The following A3GALT2 variants were observed in gnomAD, a reference collection of about 807,000 sequenced individuals.
A3GALT2 encodes alpha-1,3-galactosyltransferase 2.
A neutral mutation model predicts 16.6 loss-of-function variants in A3GALT2; 14 were observed. The observed-to-expected ratio is 0.84, with a 90% CI of 0.56 to 1.32. A3GALT2 has a LOEUF of 1.32. Among genes scored for constraint, A3GALT2 ranks in the 40% most tolerant of loss-of-function variants. The pLI is 0.00. For synonymous variants in A3GALT2, 253 were observed against 218.0 expected, an observed-to-expected ratio of 1.16 and a Z score of -1.42; for missense variants, 600 against 490.9, an observed-to-expected ratio of 1.22 and a Z score of -2.10.
Position 33,307,458 on chromosome 1 carries a change from G to C in A3GALT2, c.336-5C>G. ...TCCAGGTACTTCTCCAGGTATCTAA[G>C]GGCGCGGCGCCACCGTCAGCCTGAG... On this transcript the variant is annotated splice_region_variant and splice_polypyrimidine_tract_variant and intron_variant, in intron 4 of 4. Coordinates refer to ENST00000442999, the MANE Select transcript of A3GALT2 (RefSeq NM_001080438.1). The C allele has an allele frequency of 4.7e-6, 7 of 1,491,696 alleles. No individual in the cohort carries two copies. The highest frequency in any genetic ancestry group is 6.2e-6 in the Non-Finnish European group (7 of 1,131,550). The allele number at this position is 1,491,696 out of a possible 1,614,324, so 92.4% of individuals were successfully genotyped here.
intron 1 of A3GALT2, among the ~76,000 whole-genome samples, chr1:33,319,179 CAG>C (rs1460181322): frequency 6.6e-6 from 1 of 152,276 alleles, no homozygotes; most frequent in Non-Finnish European, 1.5e-5. Flanking sequence ...TGCAGTTGCT[CAG>C]GGGAGAAAGC....
At chr1:33,313,157 T>C (rs1473280867) in intron 1 of A3GALT2, among the ~76,000 whole-genome samples, 4 of 138,128 alleles carry the variant, frequency 2.9e-5, no homozygotes, top group African/African-American at 1.1e-4. Context: ...GCACAAGTGT[T>C]TGTGGCTCAG....
intron 1 of A3GALT2, among the ~76,000 whole-genome samples, chr1:33,313,165 C>A (rs1646243608): frequency 1.5e-5 from 1 of 65,480 alleles, no homozygotes; most frequent in African/African-American, 6.6e-5. Context: ...GTTTGTGGCT[C>A]AGTGACGGAG....
intron 4 of A3GALT2, 117 bp from the exon 5 acceptor site, chr1:33,307,570 C>A: frequency 2.8e-6 from 2 of 710,906 alleles, no homozygotes; most frequent in African/African-American, 2.4e-5. Context: ...CCACCCTCAC[C>A]CCCACTCCCA....
chr1:33,310,088 A>C (rs1646226140), intron 4 of A3GALT2, among the ~76,000 whole-genome samples: 1 of 152,258 alleles, frequency 6.6e-6, no homozygotes, highest in Admixed American at 6.5e-5. Flanking sequence ...GATCACTCGC[A>C]GTCAGGAGCT....
rs80043331 is a variant in A3GALT2 at position 33,312,026 on chromosome 1, G to A, written c.335+26C>T. 363 of 1,612,800 alleles carry A rather than the reference G, an allele frequency of 2.3e-4. 4 individuals are homozygous for A. The African/African-American group carries it at 4.3e-3, about 19-fold the overall frequency. On this transcript the variant is annotated intron_variant, in intron 4 of 4. Transcript: ENST00000442999. ...ACCCCTCCCACTCACAGCTTTGACA[G>A]CACTGCTCCCCTTCCCAGGCCTTAC...
intron 1 of A3GALT2, chr1:33,314,491 G>T (rs981818012): frequency 3.3e-5 from 5 of 152,544 alleles, no homozygotes; most frequent in South Asian, 2.1e-4. Flanking sequence ...AGTAAAGAGT[G>T]CTGCGAACTG....
chr1:33,316,541 G>C (rs564046266), intron 1 of A3GALT2, among the ~76,000 whole-genome samples: 11 of 150,454 alleles, frequency 7.3e-5, no homozygotes, highest in African/African-American at 2.2e-4. Flanking sequence ...GTGGCAGGGA[G>C]GGCACTGCTG....
At chr1:33,311,342 A>G (rs754524709) in intron 4 of A3GALT2, among the ~76,000 whole-genome samples, 2 of 151,980 alleles carry the variant, frequency 1.3e-5, no homozygotes, top group Non-Finnish European at 2.9e-5. Context: ...CTTCACAGTT[A>G]CCTGTTCCCA....
chr1:33,311,351 C>T (rs1252548724), intron 4 of A3GALT2, among the ~76,000 whole-genome samples: 1 of 152,140 alleles, frequency 6.6e-6, no homozygotes, highest in Non-Finnish European at 1.5e-5. Context: ...TACCTGTTCC[C>T]ATGGCTACTC....
chr1:33,315,493 T>C (rs1490782398), intron 1 of A3GALT2, among the ~76,000 whole-genome samples: 1 of 152,042 alleles, frequency 6.6e-6, no homozygotes, highest in Non-Finnish European at 1.5e-5. Flanking sequence ...TACAGTAAGC[T>C]ATGATCATGC....
rs113218677 is a variant in A3GALT2 at position 33,307,191 on chromosome 1, C to T, written c.598G>A (p.Val200Met). Reference sequence around the variant, plus strand: ...AAAGTGCCGCTGAAGTGCTGGTCCACGTCCATGCAGAACATGAAGTGCGCC... The same window carrying T: ...AAAGTGCCGCTGAAGTGCTGGTCCATGTCCATGCAGAACATGAAGTGCGCC... ...REAHFMFCMD[V>M]DQHFSGTFGP... The change falls in exon 5 of 5, where the codon GTG (valine) becomes ATG (methionine). Residue 200 changes from valine (V) to methionine (M), a missense_variant. Physicochemically the swap from Val to Met is conservative, Grantham distance 21 (BLOSUM62 1). Transcript: ENST00000442999. 11,780 of 1,544,324 alleles carry T rather than the reference C, an allele frequency of 7.6e-3. 67 individuals carry two copies. Among genetic ancestry groups the T allele is most frequent in the Non-Finnish European group, 9.1e-3 (10,433 of 1,148,858 alleles).
At position 33,310,268 on chromosome 1, in the gene A3GALT2, G is replaced by A. The variant is rs376145594; in HGVS notation, c.335+1784C>T. ...GATGGCGGCAGTACAGTCCAGCCTC[G>A]GCTCGGCATCAGAGGGAGACCGTGG... On this transcript the variant is annotated intron_variant, in intron 4 of 4. Transcript: ENST00000442999. Among the ~76,000 whole-genome samples the A allele has an allele frequency of 5.3e-5, 8 of 152,266 alleles. No homozygotes were observed. The East Asian group carries it at 9.6e-4, about 18-fold the overall frequency.
rs750621057 is a variant in A3GALT2 at position 33,307,327 on chromosome 1, C to A, written c.462G>T (p.Pro154=). The change falls in exon 5 of 5, where the codon CCG becomes CCT. Residue 154 remains proline, a synonymous_variant. Transcript: ENST00000442999. ...CGCGCTCCACGGGCAGCCGGCGTCCCGGGCCCAGCGCCACGCGGGGCACCG... is the reference window on the plus strand; with the variant it reads ...CGCGCTCCACGGGCAGCCGGCGTCCAGGGCCCAGCGCCACGCGGGGCACCG... The part of the protein sequence containing the change: ...PGAVPRVALG[P]GRRLPVERVA... 1.1e-5 allele frequency: 16 copies of A among 1,517,208 alleles called. No individual in the cohort carries two copies. Among genetic ancestry groups the A allele is most frequent in the Non-Finnish European group, 1.3e-5 (15 of 1,141,902 alleles). 94.0% of individuals were successfully genotyped at this position (1,517,208 alleles called of 1,614,324 possible).
chr1:33,306,800 C>G lies in A3GALT2; in HGVS notation c.989G>C (p.Trp330Ser). ...CAGCAGCCGGTACCCCTTGGGCGCC[C>G]ACAGCAGTCGCGGGCGGCGGATCTC... ...RAEIRRPRLL[W>S]APKGYRLLRN Residue 330 changes from tryptophan to serine, a missense_variant, in exon 5 of 5, where the codon TGG becomes TCG. Trp to Ser is a radical substitution (Grantham distance 177). Coordinates refer to ENST00000442999, the MANE Select transcript of A3GALT2 (RefSeq NM_001080438.1). 6.9e-7 allele frequency: 1 copy of G among 1,455,858 alleles called. No individual in the cohort carries two copies. Among genetic ancestry groups the G allele is most frequent in the Non-Finnish European group, 9.0e-7 (1 of 1,111,850 alleles). 90.2% of individuals were successfully genotyped at this position (1,455,858 alleles called of 1,614,324 possible). A position where few individuals can be genotyped will look rare whatever the true frequency, so the allele number is the denominator to read the frequency against.
At chr1:33,318,700 G>C (rs538615579) in intron 1 of A3GALT2, among the ~76,000 whole-genome samples, 1 of 151,924 alleles carries the variant, frequency 6.6e-6, no homozygotes, top group African/African-American at 2.4e-5. Flanking sequence ...AACAAGCTCC[G>C]CATCATTCCT....
At chr1:33,318,302 A>G (rs1451139794) in intron 1 of A3GALT2, among the ~76,000 whole-genome samples, 5 of 152,140 alleles carry the variant, frequency 3.3e-5, no homozygotes, top group Non-Finnish European at 7.4e-5. Flanking sequence ...TATTGTTACA[A>G]ATAATTTAAT....
chr1:33,312,590 C>G lies in A3GALT2; in HGVS notation c.108G>C (p.Arg36Ser), dbSNP rs759013361. Residue 36 changes from arginine (R) to serine (S), a missense_variant and splice_region_variant, in exon 3 of 5, where the codon AGG (arginine) becomes AGC (serine). Arg to Ser is a moderately radical substitution (Grantham distance 110, BLOSUM62 -1). Coordinates refer to ENST00000442999, the MANE Select transcript of A3GALT2 (RefSeq NM_001080438.1). ...CCATGGGGATGAGGGCTTCCAGATGCCTGTGGTGGGTTGAGGGGCGGGGGG... is the reference window on the plus strand; with the variant it reads ...CCATGGGGATGAGGGCTTCCAGATGGCTGTGGTGGGTTGAGGGGCGGGGGG... ...GLFLYGLPKF[R>S]HLEALIPMGV... 1 of 1,582,844 alleles carries G rather than the reference C, an allele frequency of 6.3e-7. No individual in the cohort carries two copies. The highest frequency in any genetic ancestry group is 1.4e-5 in the African/African-American group (1 of 74,010).
intron 4 of A3GALT2, among the ~76,000 whole-genome samples, chr1:33,309,748 C>T (rs1250743231): frequency 2.6e-5 from 4 of 151,516 alleles, no homozygotes; most frequent in South Asian, 2.1e-4. Flanking sequence ...AGACGATGGG[C>T]GGCCGGGCAG....
Sources: allele counts gnomAD v4.1 joint callset (sites outside exome capture counted in the v4.1 genomes callset), GRCh38; gene constraint gnomAD v4.1.1; transcripts MANE v1.5; gene names NCBI Gene and HGNC (gene_info 2026-07-23, HGNC 2026-07-21).